Variants in TRAK2 observed in about 807,000 individuals in gnomAD.
TRAK2 encodes the protein trafficking kinesin protein 2, also known as trafficking kinesin-binding protein 2.
TRAK2 carries 81 observed loss-of-function variants against 104.6 expected under a neutral mutation model. That is an observed-to-expected ratio of 0.77 (90% CI 0.65 to 0.93). The LOEUF (loss-of-function observed/expected upper bound fraction) is 0.93. Ranked by LOEUF, TRAK2 falls within the 40% of genes least tolerant of loss-of-function variation. The probability of loss-of-function intolerance (pLI) is 0.00; values close to 1 mark genes in which losing one functional copy is unlikely to be tolerated. For synonymous variants in TRAK2, 406 were observed against 394.4 expected (o/e 1.03, Z -0.35); for missense variants, 1,002 against 1,089.0 (o/e 0.92, Z 1.12).
At chr2:201,426,124 A>G (rs551144594) in intron 1 of TRAK2, among the ~76,000 whole-genome samples, 1 of 152,348 alleles carries the variant, frequency 6.6e-6, no homozygotes, top group African/African-American at 2.4e-5. Flanking sequence ...GTCAGGAACC[A>G]GGCTGCATAG....
At chr2:201,398,786 C>T (rs1951524048) in intron 5 of TRAK2, among the ~76,000 whole-genome samples, 1 of 151,904 alleles carries the variant, frequency 6.6e-6, no homozygotes, top group Non-Finnish European at 1.5e-5. Flanking sequence ...GCATGTCTTC[C>T]TAGGAGTACT....
At chr2:201,430,461 C>A (rs1258240680) in intron 1 of TRAK2, among the ~76,000 whole-genome samples, 1 of 152,258 alleles carries the variant, frequency 6.6e-6, no homozygotes, top group Non-Finnish European at 1.5e-5. Flanking sequence ...CCTGCTTGAG[C>A]TGTGGTGGGC....
chr2:201,377,444 A>T lies in TRAK2; in HGVS notation c.*3099T>A, dbSNP rs1178470063. The T allele has an allele frequency of 6.6e-6, 1 of 152,224 alleles. No homozygotes were observed. The highest frequency in any genetic ancestry group is 2.1e-4 in the South Asian group (1 of 4,830). 9.4% of individuals were successfully genotyped at this position (152,224 alleles called of 1,614,324 possible). ...TGGAGTACAGGTCTGCATGCATCTG[A>T]CATCAGAGAAGTGGCCCACTAAACA... On this transcript the variant is annotated 3_prime_UTR_variant, in exon 16 of 16. Transcript: ENST00000332624.
intron 2 of TRAK2, among the ~76,000 whole-genome samples, chr2:201,414,803 T>C (rs1451144448): frequency 2.6e-5 from 4 of 152,006 alleles, no homozygotes; most frequent in African/African-American, 9.7e-5. Context: ...TATAAATACA[T>C]GCAGAGCTAA....
At chr2:201,381,888 T>C (rs949078303) in intron 15 of TRAK2, among the ~76,000 whole-genome samples, 2 of 152,204 alleles carry the variant, frequency 1.3e-5, no homozygotes, top group African/African-American at 2.4e-5. Context: ...CATGTGTTTT[T>C]AGGAAATTAA....
At chr2:201,440,168 A>G (rs1211533426) in intron 1 of TRAK2, among the ~76,000 whole-genome samples, 3 of 152,068 alleles carry the variant, frequency 2.0e-5, no homozygotes, top group Non-Finnish European at 4.4e-5. Flanking sequence ...GCACCCATCC[A>G]TAGTTAAAGA....
chr2:201,413,516 G>C (rs1385731981), intron 2 of TRAK2, among the ~76,000 whole-genome samples: 2 of 152,068 alleles, frequency 1.3e-5, no homozygotes, highest in Admixed American at 6.6e-5. Context: ...CCTATTGTCA[G>C]CTATTTTTAT....
At chr2:201,435,063 T>C (rs1404064341) in intron 1 of TRAK2, among the ~76,000 whole-genome samples, 1 of 152,184 alleles carries the variant, frequency 6.6e-6, no homozygotes, top group African/African-American at 2.4e-5. Flanking sequence ...ATTTCTTTCT[T>C]TTTTTTAATT....
Position 201,379,955 on chromosome 2 carries a change from C to T in TRAK2, c.*588G>A, listed in dbSNP as rs1318874743. ...CAGAAAGGAAAATAGGAGTCTCCAC[C>T]TGTGATTCAATGAAAAAGATGAAAC... On this transcript the variant is annotated 3_prime_UTR_variant, in exon 16 of 16. Transcript: ENST00000332624. 6.5e-6 allele frequency: 1 copy of T among 152,824 alleles called. No homozygotes were observed. Among genetic ancestry groups the T allele is most frequent in the Non-Finnish European group, 1.5e-5 (1 of 68,558 alleles). 9.5% of individuals were successfully genotyped at this position (152,824 alleles called of 1,614,324 possible).
Position 201,380,685 on chromosome 2 carries a change from G to A in TRAK2, c.2603C>T (p.Pro868Leu), listed in dbSNP as rs1951333034. The part of the protein sequence containing the change: ...CQEAEIGPQK[P>L]DSAVYLNSGS... ...TGAATTTAAATAAACAGCAGAATCT[G>A]GTTTTTGAGGACCAATTTCTGCCTC... The change falls in exon 16 of 16, where the codon CCA becomes CTA. Residue 868 changes from proline (P) to leucine (L), a missense_variant. Transcript: ENST00000332624. 2 of 1,614,046 alleles carry A rather than the reference G, an allele frequency of 1.2e-6. No homozygotes were observed. Among genetic ancestry groups the A allele is most frequent in the Admixed American group, 3.3e-5 (2 of 59,980 alleles).
At position 201,447,806 on chromosome 2, in the gene TRAK2, G is replaced by A. The variant is rs1365528632; in HGVS notation, c.-200+3544C>T. On this transcript the variant is annotated intron_variant, in intron 1 of 15. Transcript: ENST00000332624. The surrounding 1 kb of genome is among the most constrained non-coding windows in gnomAD (Gnocchi z 4.1). ...ATAACAACCCCTTCCCCTTTTCTCTGCCCAGGCTAATTCCCATTTGTTTTC... is the reference window on the plus strand; with the variant it reads ...ATAACAACCCCTTCCCCTTTTCTCTACCCAGGCTAATTCCCATTTGTTTTC... Among the ~76,000 whole-genome samples the A allele has an allele frequency of 6.6e-6, 1 of 152,032 alleles. No individual in the cohort carries two copies. Among genetic ancestry groups the A allele is most frequent in the Non-Finnish European group, 1.5e-5 (1 of 68,008 alleles).
intron 1 of TRAK2, among the ~76,000 whole-genome samples, chr2:201,438,858 T>C (rs535155941): frequency 4.6e-5 from 7 of 152,256 alleles, no homozygotes; most frequent in Non-Finnish European, 1.0e-4. Context: ...GTGTGTTGTA[T>C]GTACATCACA....
chr2:201,412,852 G>A, intron 2 of TRAK2: 1 of 823,074 alleles, frequency 1.2e-6, no homozygotes, highest in South Asian at 1.4e-5. Flanking sequence ...ACCACATTTG[G>A]TTTCTACATC....
chr2:201,416,226 T>TAAA (rs11398184), intron 2 of TRAK2, among the ~76,000 whole-genome samples: 8 of 90,854 alleles, frequency 8.8e-5, no homozygotes, highest in Admixed American at 1.3e-4. Context: ...GACTCTACAT[T>TAAA]AAAAAAAAAA....
chr2:201,397,772 C>T (rs1444761687), intron 6 of TRAK2, 192 bp from the exon 7 acceptor site: 5 of 564,288 alleles, frequency 8.9e-6, no homozygotes, highest in Non-Finnish European at 1.6e-5. Flanking sequence ...AGTAGGACTT[C>T]CTTGATGCCC....
At chr2:201,387,610 A>C (rs554200526) in intron 13 of TRAK2, 93 bp downstream of exon 13, 1 of 1,291,370 alleles carries the variant, frequency 7.7e-7, no homozygotes, top group South Asian at 1.5e-5. Flanking sequence ...TCTGCACATA[A>C]TGTTCCTATA....
intron 2 of TRAK2, among the ~76,000 whole-genome samples, chr2:201,408,403 G>A (rs971497349): frequency 3.9e-5 from 6 of 152,050 alleles, no homozygotes; most frequent in Admixed American, 1.3e-4. Context: ...GGGGTTTGGT[G>A]TACAGATTAT....
intron 3 of TRAK2, among the ~76,000 whole-genome samples, chr2:201,405,912 G>A (rs1226453437): frequency 2.0e-5 from 3 of 152,072 alleles, no homozygotes; most frequent in African/African-American, 4.8e-5. Context: ...AACCCGGGGC[G>A]GGCAGAGGTT....
chr2:201,427,778 G>A (rs933667287), intron 1 of TRAK2, among the ~76,000 whole-genome samples: 7 of 152,064 alleles, frequency 4.6e-5, no homozygotes, highest in Admixed American at 6.6e-5. Flanking sequence ...ACTAGTTTAC[G>A]CTCCCACCAA....
Sources: gnomAD v4.1 joint callset for allele counts (sites outside exome capture counted in the v4.1 genomes callset) on GRCh38, gnomAD v4.1.1 for gene constraint, Gnocchi (gnomAD v3.1) non-coding constraint, MANE v1.5 for transcripts, NCBI Gene and HGNC (gene_info 2026-07-23, HGNC 2026-07-21) for gene names.